Variants in P2RY8 observed in about 807,000 individuals in gnomAD.
P2RY8 encodes the protein S-geranylgeranyl-glutathione receptor P2RY8.
In P2RY8, 6 loss-of-function variants were observed where a neutral mutation model predicts 10.0. That is an observed-to-expected ratio of 0.60 (90% CI 0.33 to 1.19). The LOEUF is 1.19. Ranked by LOEUF, P2RY8 falls within the 50% of genes most tolerant of loss-of-function variation. The pLI is 0.04. For missense variants in P2RY8, 456 were observed against 542.0 expected (o/e 0.84, Z 1.58); for synonymous variants, 276 against 252.5 (o/e 1.09, Z -0.88).
intron 1 of P2RY8, among the ~76,000 whole-genome samples, chrX:1,487,291 AAGG>A (rs1322560321): frequency 2.0e-5 from 3 of 152,174 alleles, no homozygotes; most frequent in Non-Finnish European, 4.4e-5. Flanking sequence ...GATGACAGGG[AAGG>A]AGAAGGTCAA....
At chrX:1,515,189 G>A (rs1421007763) in intron 1 of P2RY8, among the ~76,000 whole-genome samples, 2 of 150,342 alleles carry the variant, frequency 1.3e-5, no homozygotes, top group Non-Finnish European at 1.5e-5. Flanking sequence ...GGGATTACAG[G>A]CATCAGCCAC....
intron 1 of P2RY8, among the ~76,000 whole-genome samples, chrX:1,508,711 T>C (rs867745357): frequency 0.081 from 3,658 of 45,340 alleles, 62 homozygotes; most frequent in Middle Eastern, 0.2. Flanking sequence ...CCATTCTATC[T>C]ATCTATCTAT....
At chrX:1,473,704 G>T (rs2091831566) in intron 1 of P2RY8, among the ~76,000 whole-genome samples, 1 of 120,246 alleles carries the variant, frequency 8.3e-6, no homozygotes, top group Non-Finnish European at 2.0e-5. Flanking sequence ...GGATGTATGG[G>T]TGGATAGATG....
chrX:1,470,018 A>G (rs1354773130), intron 1 of P2RY8, among the ~76,000 whole-genome samples: 1 of 152,174 alleles, frequency 6.6e-6, no homozygotes, highest in East Asian at 1.9e-4. Context: ...ACAGATGTGC[A>G]AACAACACCA....
rs755387441 is a variant in P2RY8, at chrX:1,464,270, C to T, written c.*1209G>A. ...TGGAGAGTCAGAGCTCTTCTTTGCG[C>T]TAAACCAGCTCAGGTGTTGGGGCTG... On this transcript the variant is annotated 3_prime_UTR_variant, in exon 2 of 2. Coordinates refer to ENST00000381297, the MANE Select transcript of P2RY8 (RefSeq NM_178129.5). 7.7e-5 allele frequency: 18 copies of T among 233,388 alleles called. No homozygotes were observed. In the South Asian group the frequency reaches 3.3e-3, roughly 42 times the overall value. 14.5% of individuals were successfully genotyped at this position (233,388 alleles called of 1,614,324 possible).
chrX:1,533,876 AT>A (rs1402700852), intron 1 of P2RY8, among the ~76,000 whole-genome samples: 1 of 121,732 alleles, frequency 8.2e-6, no homozygotes, highest in Non-Finnish European at 1.6e-5. Flanking sequence ...ATTATTTATT[AT>A]TTATATATTA....
intron 1 of P2RY8, among the ~76,000 whole-genome samples, chrX:1,529,391 T>A (rs2092458925): frequency 6.6e-6 from 1 of 152,054 alleles, no homozygotes. Context: ...GGAAGGATCA[T>A]CTTGTCTTAT....
rs768243294 is a variant in P2RY8 at position 1,465,746 on chromosome X, G to A, written c.813C>T (p.Tyr271=). ...IVSRLFYGKS[Y]YHVYKLTLCL... ...ACAGCGTGAGCTTGTACACGTGGTAGTAGCTCTTGCCGTAGAACAGGCGGC... is the reference window on the plus strand; with the variant it reads ...ACAGCGTGAGCTTGTACACGTGGTAATAGCTCTTGCCGTAGAACAGGCGGC... Residue 271 remains tyrosine (Y), a synonymous_variant, in exon 2 of 2, where the codon TAC becomes TAT. Transcript: ENST00000381297. 1 of 1,613,584 alleles carries A rather than the reference G, an allele frequency of 6.2e-7. No homozygotes were observed. Among genetic ancestry groups the A allele is most frequent in the East Asian group, 2.2e-5 (1 of 44,898 alleles).
At position 1,462,956 on chromosome X, in the gene P2RY8, C is replaced by A. The variant is rs2091605237; in HGVS notation, c.*2523G>T. ...TCGGCTGCTCTCCATAGCCAAGTGGCTGCAAAAATCATCATACTGACAAAA... is the reference window on the plus strand; with the variant it reads ...TCGGCTGCTCTCCATAGCCAAGTGGATGCAAAAATCATCATACTGACAAAA... On this transcript the variant is annotated 3_prime_UTR_variant, in exon 2 of 2. Transcript: ENST00000381297. The A allele has an allele frequency of 4.5e-6, 1 of 222,338 alleles. No homozygotes were observed. The allele number at this position is 222,338 out of a possible 1,614,324, so 13.8% of individuals were successfully genotyped here.
intron 1 of P2RY8, among the ~76,000 whole-genome samples, chrX:1,532,730 G>A (rs374063802): frequency 3.9e-4 from 59 of 152,014 alleles, no homozygotes; most frequent in African/African-American, 1.3e-3. Flanking sequence ...GGCCGGATGC[G>A]GTGGCTCACA....
At chrX:1,506,792 C>A (rs1373539285) in intron 1 of P2RY8, among the ~76,000 whole-genome samples, 1 of 151,906 alleles carries the variant, frequency 6.6e-6, no homozygotes, top group East Asian at 1.9e-4. Context: ...ATTCTTCTGC[C>A]TCAGCCTCCC....
rs761415865 is a variant in P2RY8, at chrX:1,466,233, G to C, written c.326C>G (p.Ser109Cys). 1.9e-6 allele frequency: 3 copies of C among 1,613,626 alleles called. No homozygotes were observed. Among genetic ancestry groups the C allele is most frequent in the South Asian group, 1.1e-5 (1 of 91,030 alleles). The change falls in exon 2 of 2, where the codon TCC becomes TGC. Residue 109 changes from serine to cysteine, a missense_variant. Ser to Cys is a moderately radical substitution (Grantham distance 112). Coordinates refer to ENST00000381297, the MANE Select transcript of P2RY8 (RefSeq NM_178129.5). ...VTVAFYANMY[S>C]SILTMTCISV... ...GATACAGGTCATGGTGAGGATGCTG[G>C]AATACATGTTTGCGTAAAAGGCCAC...
At chrX:1,477,619 G>A (rs1307006969) in intron 1 of P2RY8, among the ~76,000 whole-genome samples, 6 of 152,218 alleles carry the variant, frequency 3.9e-5, no homozygotes, top group African/African-American at 9.6e-5. Context: ...AATGATTCAG[G>A]TATCATAATT....
chrX:1,498,125 G>A (rs1197357487), intron 1 of P2RY8, among the ~76,000 whole-genome samples: 1 of 152,194 alleles, frequency 6.6e-6, no homozygotes, highest in East Asian at 1.9e-4. Flanking sequence ...CTGTTGATGA[G>A]GCCGGGCGCG....
Position 1,534,785 on chromosome X carries a change from G to A in P2RY8, c.-25+2136C>T, listed in dbSNP as rs758378013. The stretch of plus-strand genomic sequence containing the variant: ...ATGCACCACTGGCAACAGCTACCCT[G>A]CTGTTGTTAATCCTAAGCCATCGCT... On this transcript the variant is annotated intron_variant, in intron 1 of 1. Coordinates refer to ENST00000381297, the MANE Select transcript of P2RY8 (RefSeq NM_178129.5). Among the ~76,000 whole-genome samples the A allele has an allele frequency of 9.9e-5, 15 of 152,232 alleles. No homozygotes were observed. The East Asian group carries it at 2.9e-3, about 29-fold the overall frequency.
chrX:1,505,990 T>C (rs1337174705), intron 1 of P2RY8, among the ~76,000 whole-genome samples: 7 of 44,790 alleles, frequency 1.6e-4, no homozygotes, highest in Admixed American at 3.8e-4. Flanking sequence ...CTTTCTTCTT[T>C]TTTTTTTTTT....
At chrX:1,514,108 C>CA (rs2092320712) in intron 1 of P2RY8, among the ~76,000 whole-genome samples, 1 of 152,144 alleles carries the variant, frequency 6.6e-6, no homozygotes, top group Admixed American at 6.6e-5. Flanking sequence ...TTAATTGTCC[C>CA]ACTTTTAGCC....
Position 1,509,515 on chromosome X carries a change from TCATCCATCCATCCATC to T in P2RY8, c.-25+27390_-25+27405del, listed in dbSNP as rs755951808. Among the ~76,000 whole-genome samples the T allele has an allele frequency of 1.8e-4, 23 of 127,972 alleles. No homozygotes were observed. In the South Asian group the frequency reaches 2.0e-3, roughly 11 times the overall value. The allele number at this position is 127,972 out of a possible 152,430, so 84.0% of individuals were successfully genotyped here. A position where few individuals can be genotyped will look rare whatever the true frequency, so the allele number is the denominator to read the frequency against. On this transcript the variant is annotated intron_variant, in intron 1 of 1. Coordinates refer to ENST00000381297, the MANE Select transcript of P2RY8 (RefSeq NM_178129.5). ...TCCATCCATCCCTCCATCCATCCAT[TCATCCATCCATCCATC>T]CATCCATCCATCCATCTATTCTATC...
At chrX:1,487,563 C>T (rs183462246) in intron 1 of P2RY8, among the ~76,000 whole-genome samples, 3 of 152,166 alleles carry the variant, frequency 2.0e-5, no homozygotes, top group East Asian at 1.9e-4. Context: ...TCCAAATACA[C>T]GCATCTGAGT....
Sources: allele counts gnomAD v4.1 joint callset (sites outside exome capture counted in the v4.1 genomes callset), GRCh38; gene constraint gnomAD v4.1.1; transcripts MANE v1.5; gene names NCBI Gene and HGNC (gene_info 2026-07-23, HGNC 2026-07-21).